Variants in COP1 observed in about 807,000 individuals in gnomAD.
COP1 encodes COP1 E3 ubiquitin ligase, also known as E3 ubiquitin-protein ligase COP1.
Under a neutral mutation model 101.3 loss-of-function variants are expected in COP1, and 24 were observed. The observed-to-expected ratio is 0.24, with a 90% confidence interval of 0.17 to 0.33. The LOEUF is 0.33. COP1 is among the 10% of genes least tolerant of loss of function. COP1 has a pLI of 1.00. For missense variants in COP1, 663 were observed against 906.2 expected, an observed-to-expected ratio of 0.73 and a Z score of 3.45; for synonymous variants, 347 against 341.9, an observed-to-expected ratio of 1.01 and a Z score of -0.17.
chr1:176,047,367 A>G (rs1671701441), intron 11 of COP1, among the ~76,000 whole-genome samples: 1 of 152,202 alleles, frequency 6.6e-6, no homozygotes, highest in Non-Finnish European at 1.5e-5. Flanking sequence ...AGATGAGAAA[A>G]TGAAGATTAG....
At position 176,155,313 on chromosome 1, in the gene COP1, A is replaced by G. The variant is rs141409649; in HGVS notation, c.763-6239T>C. Among the ~76,000 whole-genome samples the G allele has an allele frequency of 4.7e-3, 713 of 152,128 alleles. 6 individuals are homozygous for G. Among genetic ancestry groups the G allele is most frequent in the Non-Finnish European group, 8.9e-3 (607 of 67,968 alleles). On this transcript the variant is annotated intron_variant, in intron 5 of 19. Coordinates refer to ENST00000367669, the MANE Select transcript of COP1 (RefSeq NM_022457.7). The stretch of plus-strand genomic sequence containing the variant: ...GGGTCAGTCTCTCATCCTTGCTCCT[A>G]AAAACTAAAATAAATAAATAATTTT...
rs554391509 is a variant in COP1 at position 176,185,997 on chromosome 1, A to G, written c.408-1305T>C. Among the ~76,000 whole-genome samples the G allele has an allele frequency of 2.5e-3, 380 of 152,326 alleles. 2 individuals are homozygous for G. The highest frequency in any genetic ancestry group is 8.9e-3 in the African/African-American group (371 of 41,568). On this transcript the variant is annotated intron_variant, in intron 1 of 19. Transcript: ENST00000367669. ...TGGCAGACTCAAATATGTATAGATG[A>G]TATTACAACACAATGTGAAAATATA...
intron 1 of COP1, among the ~76,000 whole-genome samples, chr1:176,186,151 A>T (rs911873273): frequency 6.6e-6 from 1 of 152,158 alleles, no homozygotes; most frequent in Non-Finnish European, 1.5e-5. Flanking sequence ...CAACCAATCA[A>T]TTCACTGAAT....
In COP1 at chr1:175,966,280, TACAC is replaced by T. The variant is rs66711924; in HGVS notation, c.2134-19045_2134-19042del. ...TTAGCTGTCTGAATTGTGTTTGCAATACACACACACACACACACACACACACACA... is the reference window on the plus strand; with the variant it reads ...TTAGCTGTCTGAATTGTGTTTGCAATACACACACACACACACACACACACA... On this transcript the variant is annotated intron_variant, in intron 18 of 19. Transcript: ENST00000367669. 7.0e-3 allele frequency among the ~76,000 whole-genome samples: 1,052 copies of T among 150,262 alleles called. 13 individuals carry two copies. The highest frequency in any genetic ancestry group is 0.023 in the African/African-American group (954 of 40,818).
At chr1:176,184,152 A>T (rs919454761) in intron 2 of COP1, among the ~76,000 whole-genome samples, 2 of 152,110 alleles carry the variant, frequency 1.3e-5, no homozygotes, top group Non-Finnish European at 2.9e-5. Context: ...AAATTAAAAA[A>T]TTTTTTTGAT....
intron 3 of COP1, among the ~76,000 whole-genome samples, chr1:176,167,546 CA>C (rs34607104): frequency 0.11 from 16,556 of 152,120 alleles, 990 homozygotes; most frequent in Middle Eastern, 0.16. Context: ...AAACCATCAC[CA>C]ATTCTTAGAA....
chr1:176,058,120 G>C (rs867871857), intron 11 of COP1, among the ~76,000 whole-genome samples: 119 of 106,108 alleles, frequency 1.1e-3, no homozygotes, highest in African/African-American at 3.5e-3. Context: ...CCACCCCGTC[G>C]GGAGGGAGGT....
At chr1:176,005,779 A>T (rs1663025199) in intron 15 of COP1, among the ~76,000 whole-genome samples, 1 of 151,950 alleles carries the variant, frequency 6.6e-6, no homozygotes, top group African/African-American at 2.4e-5. Flanking sequence ...CTATGTGGTC[A>T]ATTTTGGAAT....
intron 9 of COP1, among the ~76,000 whole-genome samples, chr1:176,100,003 T>C (rs938462957): frequency 6.6e-6 from 1 of 152,202 alleles, no homozygotes; most frequent in Non-Finnish European, 1.5e-5. Context: ...AAATAATTAA[T>C]CTTGCTGCAC....
At chr1:176,040,061 G>A (rs2149155238) in intron 14 of COP1, among the ~76,000 whole-genome samples, 1 of 152,122 alleles carries the variant, frequency 6.6e-6, no homozygotes, top group Admixed American at 6.5e-5. Flanking sequence ...TGACACCAAA[G>A]GCACAGACAA....
intron 2 of COP1, among the ~76,000 whole-genome samples, chr1:176,176,418 C>T (rs530043657): frequency 1.6e-4 from 25 of 152,158 alleles, no homozygotes; most frequent in Non-Finnish European, 2.5e-4. Flanking sequence ...GAAAACTCAA[C>T]GAAAGACAAA....
In COP1 at chr1:176,043,691, A is replaced by C; in HGVS notation, c.1530+19T>G. 1 of 1,298,730 alleles carries C rather than the reference A, an allele frequency of 7.7e-7. No homozygotes were observed. 80.5% of individuals were successfully genotyped at this position (1,298,730 alleles called of 1,614,324 possible). A position where few individuals can be genotyped will look rare whatever the true frequency, so the allele number is the denominator to read the frequency against. ...CAAATGTATGATTCATATAACATGTAACTAGTACCCTTATTTACCTGATAG... is the reference window on the plus strand; with the variant it reads ...CAAATGTATGATTCATATAACATGTCACTAGTACCCTTATTTACCTGATAG... On this transcript the variant is annotated intron_variant, in intron 13 of 19. Transcript: ENST00000367669.
chr1:176,122,607 G>GA, intron 8 of COP1, among the ~76,000 whole-genome samples: 1 of 152,016 alleles, frequency 6.6e-6, no homozygotes. Context: ...CAGAACTCCA[G>GA]AAAAAAACTT....
intron 11 of COP1, among the ~76,000 whole-genome samples, chr1:176,052,566 C>G (rs1672752629): frequency 6.6e-6 from 1 of 152,164 alleles, no homozygotes; most frequent in East Asian, 1.9e-4. Flanking sequence ...CCAACTATTA[C>G]TGAAGATCCT....
chr1:176,133,789 A>C (rs181328482), intron 8 of COP1: 1 of 441,842 alleles, frequency 2.3e-6, no homozygotes, highest in Non-Finnish European at 4.5e-6. Flanking sequence ...ATGGGAATGA[A>C]TCATTATTAG....
At chr1:176,019,271 T>C (rs1361644401) in intron 15 of COP1, among the ~76,000 whole-genome samples, 2 of 151,700 alleles carry the variant, frequency 1.3e-5, no homozygotes, top group Admixed American at 1.3e-4. Flanking sequence ...GCGATAAGCC[T>C]GACAAATGTG....
chr1:176,106,614 T>C (rs1298587192), intron 9 of COP1, among the ~76,000 whole-genome samples: 4 of 152,128 alleles, frequency 2.6e-5, no homozygotes, highest in African/African-American at 9.7e-5. Flanking sequence ...CACCCAGCAA[T>C]TGACCCAGTG....
At chr1:176,097,682 A>C (rs1682655071) in intron 9 of COP1, among the ~76,000 whole-genome samples, 1 of 152,126 alleles carries the variant, frequency 6.6e-6, no homozygotes, top group Non-Finnish European at 1.5e-5. Flanking sequence ...CAGCCTGGCC[A>C]GCATGGTGAA....
chr1:176,012,535 C>T (rs139835306), intron 15 of COP1, among the ~76,000 whole-genome samples: 4 of 152,182 alleles, frequency 2.6e-5, no homozygotes. Flanking sequence ...GAACTATTAA[C>T]AAATAAATTT....
Sources: gnomAD v4.1 joint callset for allele counts (sites outside exome capture counted in the v4.1 genomes callset) on GRCh38, gnomAD v4.1.1 for gene constraint, MANE v1.5 for transcripts, NCBI Gene and HGNC (gene_info 2026-07-23, HGNC 2026-07-21) for gene names.